Variants in TCF12 observed in about 807,000 individuals in gnomAD.
The protein encoded by TCF12 is transcription factor 12.
Under a neutral mutation model 86.0 loss-of-function variants are expected in TCF12, and 45 were observed. The observed-to-expected ratio is 0.52, with a 90% CI of 0.41 to 0.67. TCF12 has a LOEUF of 0.67. Among genes scored for constraint, TCF12 ranks in the 30% least tolerant of loss-of-function variants. The pLI, the probability that TCF12 is intolerant of heterozygous loss-of-function variation, is 0.00. For missense variants in TCF12, 881 were observed against 859.9 expected, an observed-to-expected ratio of 1.02 and a Z score of -0.31; for synonymous variants, 330 against 299.6, an observed-to-expected ratio of 1.10 and a Z score of -1.05.
At chr15:56,963,106 C>A (rs2061845083) in intron 3 of TCF12, among the ~76,000 whole-genome samples, 1 of 144,540 alleles carries the variant, frequency 6.9e-6, no homozygotes, top group Admixed American at 7.1e-5. Flanking sequence ...AAAAGATAAT[C>A]CAGCATTTAA....
intron 20 of TCF12, among the ~76,000 whole-genome samples, chr15:57,285,868 C>T (rs1337235552): frequency 6.6e-6 from 1 of 152,146 alleles, no homozygotes; most frequent in Non-Finnish European, 1.5e-5. Context: ...TTGAAGGCTG[C>T]GTTGAGCCAT....
chr15:57,249,414 T>TAA (rs5812876), intron 13 of TCF12, among the ~76,000 whole-genome samples: 87 of 149,618 alleles, frequency 5.8e-4, no homozygotes, highest in South Asian at 8.4e-4. Context: ...TGCTCATAAG[T>TAA]AAAAAAAAAA....
At chr15:57,157,782 T>G (rs1215021689) in intron 5 of TCF12, among the ~76,000 whole-genome samples, 1 of 152,014 alleles carries the variant, frequency 6.6e-6, no homozygotes, top group African/African-American at 2.4e-5. Flanking sequence ...AGGCTGGTCT[T>G]GAACTCCTGA....
At chr15:56,928,172 C>G (rs180690731) in intron 3 of TCF12, among the ~76,000 whole-genome samples, 47 of 152,274 alleles carry the variant, frequency 3.1e-4, no homozygotes, top group Admixed American at 1.1e-3. Context: ...TTTAAATAAT[C>G]AGAGCTATAC....
At chr15:57,079,208 C>T (rs553805095) in intron 4 of TCF12, among the ~76,000 whole-genome samples, 6 of 152,316 alleles carry the variant, frequency 3.9e-5, no homozygotes, top group Middle Eastern at 3.4e-3. Context: ...GCCACTTAAA[C>T]GTGCTTCACA....
intron 5 of TCF12, among the ~76,000 whole-genome samples, chr15:57,160,852 GTTT>G (rs397796528): frequency 1.4e-5 from 2 of 147,210 alleles, no homozygotes; most frequent in African/African-American, 5.0e-5. Flanking sequence ...GCCCAGCTAA[GTTT>G]TTTTTTTTAT....
intron 3 of TCF12, among the ~76,000 whole-genome samples, chr15:57,061,800 T>C (rs2068478044): frequency 6.6e-6 from 1 of 152,202 alleles, no homozygotes; most frequent in African/African-American, 2.4e-5. Flanking sequence ...TTATATGCAG[T>C]TCCATATATT....
rs529183728 is a variant in TCF12, at chr15:57,150,473, G to A, written c.326-15929G>A. 3.2e-4 allele frequency among the ~76,000 whole-genome samples: 49 copies of A among 152,260 alleles called. No homozygotes were observed. In the Middle Eastern group the frequency reaches 0.01, roughly 32 times the overall value. ...TGACCCACTGTTAGAAATATTAAAG[G>A]CAAACCTGGAAAAGGAGCAAACTGA... On this transcript the variant is annotated intron_variant, in intron 5 of 20. Transcript: ENST00000333725.
At chr15:56,978,313 T>C (rs528996074) in intron 3 of TCF12, among the ~76,000 whole-genome samples, 2 of 152,334 alleles carry the variant, frequency 1.3e-5, no homozygotes, top group African/African-American at 2.4e-5. Context: ...ATTCCACTAA[T>C]AGTTATCCAG....
intron 8 of TCF12, among the ~76,000 whole-genome samples, chr15:57,220,829 A>G (rs2058556668): frequency 6.6e-6 from 1 of 152,156 alleles, no homozygotes; most frequent in South Asian, 2.1e-4. Context: ...TTTTCCTTCT[A>G]AATCTTTCAC....
At chr15:57,219,532 C>G (rs1351189301) in intron 8 of TCF12, 2 of 1,613,190 alleles carry the variant, frequency 1.2e-6, no homozygotes, top group Non-Finnish European at 1.7e-6. Flanking sequence ...ATGTATTGTG[C>G]TTATCCTGTC....
At chr15:57,054,185 A>G (rs2067826358) in intron 3 of TCF12, among the ~76,000 whole-genome samples, 1 of 151,962 alleles carries the variant, frequency 6.6e-6, no homozygotes, top group Admixed American at 6.5e-5. Context: ...GACTTGAACC[A>G]GGGAGTACAT....
intron 3 of TCF12, among the ~76,000 whole-genome samples, chr15:57,042,584 T>G (rs2141465916): frequency 6.6e-6 from 1 of 152,232 alleles, no homozygotes; most frequent in Non-Finnish European, 1.5e-5. Flanking sequence ...TGGCTAATTT[T>G]TAATTTTTTT....
intron 5 of TCF12, among the ~76,000 whole-genome samples, chr15:57,097,305 A>G (rs2049393698): frequency 6.6e-6 from 1 of 152,028 alleles, no homozygotes; most frequent in African/African-American, 2.4e-5. Context: ...AGGTAGGAGG[A>G]TTGCTTGAGC....
chr15:57,040,312 C>T (rs1232665149), intron 3 of TCF12, among the ~76,000 whole-genome samples: 1 of 152,190 alleles, frequency 6.6e-6, no homozygotes, highest in Non-Finnish European at 1.5e-5. Flanking sequence ...CCTATCTTGA[C>T]ATCATGATGG....
At position 57,232,730 on chromosome 15, in the gene TCF12, G is replaced by A. The variant is rs2059195960; in HGVS notation, c.844G>A (p.Val282Ile). The A allele has an allele frequency of 6.2e-7, 1 of 1,611,428 alleles. No individual in the cohort carries two copies. The highest frequency in any genetic ancestry group is 1.7e-5 in the Admixed American group (1 of 59,670). The stretch of plus-strand genomic sequence containing the variant: ...CATCTAGAGTTATCCTCCACACTCA[G>A]TTTCACCAACAGACATAAACACGAG... ...HDRLSYPPHSVSPTDINTSLP... is the reference protein window; with the variant it reads ...HDRLSYPPHSISPTDINTSLP... Residue 282 changes from valine to isoleucine, a missense_variant, in exon 11 of 21, where the codon GTT becomes ATT. By Grantham distance (29) the Val-to-Ile change is conservative. This residue lies in a region of TCF12 where 766 missense variants were observed against 718.9 expected (regional missense o/e 1.07). Coordinates refer to ENST00000333725, the MANE Select transcript of TCF12 (RefSeq NM_207037.2).
chr15:57,052,567 G>A (rs1202428663), intron 3 of TCF12, among the ~76,000 whole-genome samples: 1 of 150,942 alleles, frequency 6.6e-6, no homozygotes, highest in Non-Finnish European at 1.5e-5. Flanking sequence ...AACCTGGGAG[G>A]CAGAGGTTGC....
At chr15:57,184,996 G>A (rs1270478127) in intron 6 of TCF12, among the ~76,000 whole-genome samples, 1 of 152,094 alleles carries the variant, frequency 6.6e-6, no homozygotes, top group Non-Finnish European at 1.5e-5. Context: ...CTTTAGGTCT[G>A]ATAATTACAT....
chr15:57,281,530 C>G (rs2061690349), intron 19 of TCF12: 1 of 152,240 alleles, frequency 6.6e-6, no homozygotes, highest in African/African-American at 2.4e-5. Context: ...AGGAGGTGAG[C>G]AGAGAGCAAT....
Sources: allele counts gnomAD v4.1 joint callset (sites outside exome capture counted in the v4.1 genomes callset), GRCh38; gene constraint gnomAD v4.1.1; regional missense constraint gnomAD v4.1.1; transcripts MANE v1.5; gene names NCBI Gene and HGNC (gene_info 2026-07-23, HGNC 2026-07-21).